The following PPP1R36 variants were observed in gnomAD, a reference collection of about 807,000 sequenced individuals.
The protein encoded by PPP1R36 is protein phosphatase 1 regulatory subunit 36, also known as chromosome 14 open reading frame 50.
In PPP1R36, 47 loss-of-function variants were observed where a neutral mutation model predicts 53.4. That is an observed-to-expected ratio of 0.88 (90% CI 0.70 to 1.12). PPP1R36 has a LOEUF of 1.12. Ranked by LOEUF, PPP1R36 falls within the 50% of genes most tolerant of loss-of-function variation. The probability of loss-of-function intolerance (pLI) is 0.00; values close to 1 mark genes in which losing one functional copy is unlikely to be tolerated. For missense variants in PPP1R36, 456 were observed against 513.9 expected (o/e 0.89, Z 1.09); for synonymous variants, 153 against 170.5 (o/e 0.90, Z 0.80).
intron 7 of PPP1R36, among the ~76,000 whole-genome samples, chr14:64,570,979 G>A (rs1299032897): frequency 6.6e-6 from 1 of 152,202 alleles, no homozygotes; most frequent in Non-Finnish European, 1.5e-5. Context: ...ACCCAGGTCT[G>A]TTTAACTCCA....
chr14:64,578,485 C>G (rs1463241664), intron 8 of PPP1R36, among the ~76,000 whole-genome samples: 1 of 152,122 alleles, frequency 6.6e-6, no homozygotes, highest in Non-Finnish European at 1.5e-5. Context: ...AGACTTGTTT[C>G]AGTGTGTACT....
intron 3 of PPP1R36, among the ~76,000 whole-genome samples, chr14:64,561,518 T>G (rs1384571045): frequency 1.3e-5 from 2 of 152,202 alleles, no homozygotes; most frequent in Non-Finnish European, 2.9e-5. Context: ...GAGACCTGGG[T>G]TCACATCCTA....
At chr14:64,587,442 T>G in intron 10 of PPP1R36, 70 bp downstream of exon 10, 1 of 718,078 alleles carries the variant, frequency 1.4e-6, no homozygotes. Context: ...TCTTTTCTTT[T>G]TTCTCCTTTT....
At chr14:64,574,618 C>T in intron 8 of PPP1R36, 29 bp downstream of exon 8, 1 of 1,592,082 alleles carries the variant, frequency 6.3e-7, no homozygotes, top group Non-Finnish European at 8.5e-7. Flanking sequence ...TTCATTAGAT[C>T]ATCACTCCAT....
intron 3 of PPP1R36, 113 bp downstream of exon 3, chr14:64,552,974 AAT>A: frequency 1.0e-6 from 1 of 977,822 alleles, no homozygotes; most frequent in African/African-American, 1.7e-5. Context: ...ATTAAGTGCC[AAT>A]TTTTTTTTTT....
At chr14:64,560,999 A>G (rs2140224306) in intron 3 of PPP1R36, among the ~76,000 whole-genome samples, 1 of 152,304 alleles carries the variant, frequency 6.6e-6, no homozygotes, top group East Asian at 1.9e-4. Context: ...TCAGAAAAGG[A>G]GCTTTAGAAG....
intron 3 of PPP1R36, among the ~76,000 whole-genome samples, chr14:64,558,568 G>T (rs2080177156): frequency 6.6e-6 from 1 of 151,842 alleles, no homozygotes; most frequent in Non-Finnish European, 1.5e-5. Context: ...AACAGAGTGA[G>T]ACCCTGCCTC....
chr14:64,563,831 C>A (rs567387797), intron 3 of PPP1R36, among the ~76,000 whole-genome samples: 2 of 152,246 alleles, frequency 1.3e-5, no homozygotes, highest in African/African-American at 4.8e-5. Context: ...ATTGTTATAA[C>A]CCACAATGGG....
At chr14:64,554,382 C>T (rs1484285680) in intron 3 of PPP1R36, among the ~76,000 whole-genome samples, 1 of 152,026 alleles carries the variant, frequency 6.6e-6, no homozygotes, top group Non-Finnish European at 1.5e-5. Flanking sequence ...ATCTCCCGAC[C>T]TCAGGTGATC....
chr14:64,552,620 A>G (rs1289810724), intron 2 of PPP1R36, 194 bp from the exon 3 acceptor site: 3 of 532,236 alleles, frequency 5.6e-6, no homozygotes, highest in Middle Eastern at 5.2e-4. Flanking sequence ...CTAAGCAGAC[A>G]TACATAGTTA....
At chr14:64,561,885 T>C in intron 3 of PPP1R36, 1 of 454,240 alleles carries the variant, frequency 2.2e-6, no homozygotes, top group Non-Finnish European at 4.4e-6. Context: ...GAAACCCTAC[T>C]CTTTCGTCAT....
Position 64,552,820 on chromosome 14 carries a change from C to T in PPP1R36, c.141C>T (p.Ala47=), listed in dbSNP as rs200928749. 166 of 1,613,598 alleles carry T rather than the reference C, an allele frequency of 1.0e-4. 1 individual carries two copies. The highest frequency in any genetic ancestry group is 9.4e-4 in the East Asian group (42 of 44,870). The change falls in exon 3 of 12, where the codon GCC becomes GCT. Residue 47 remains alanine, a synonymous_variant. Coordinates refer to ENST00000298705, the MANE Select transcript of PPP1R36 (RefSeq NM_172365.3). ...TTTCAGTTTTCTTTCTCAGGTTTGC[C>T]GCAGAAGATTCTGTCCAGTGGCTCC... is the stretch of plus-strand genomic sequence containing the variant. The part of the protein sequence containing the change: ...ETRTLEFRRF[A]AEDSVQWLLK...
intron 6 of PPP1R36, among the ~76,000 whole-genome samples, chr14:64,565,925 T>G (rs913493663): frequency 6.6e-6 from 1 of 152,178 alleles, no homozygotes; most frequent in Non-Finnish European, 1.5e-5. Flanking sequence ...GAGAGCATGC[T>G]GTCAGAGTCT....
In PPP1R36 at chr14:64,565,654, T is replaced by C; in HGVS notation, c.396T>C (p.Thr132=). Residue 132 remains threonine, a synonymous_variant, in exon 6 of 12, where the codon ACT becomes ACC. Transcript: ENST00000298705. Reference sequence around the variant, plus strand: ...TTACTTTGCTTTTGCTACAAGATACTGAGATGCAGCGGATCTGTTCTTTTA... The same window carrying C: ...TTACTTTGCTTTTGCTACAAGATACCGAGATGCAGCGGATCTGTTCTTTTA... ...KFVTLLLLQD[T]EMQRICSFTT... is the part of the protein sequence containing the mutation. The C allele has an allele frequency of 6.2e-7, 1 of 1,613,874 alleles. No homozygotes were observed. The highest frequency in any genetic ancestry group is 8.5e-7 in the Non-Finnish European group (1 of 1,179,726).
chr14:64,580,692 G>A (rs1183433080), intron 8 of PPP1R36, among the ~76,000 whole-genome samples: 1 of 152,254 alleles, frequency 6.6e-6, no homozygotes, highest in Middle Eastern at 3.4e-3. Context: ...CAGGTCAAAC[G>A]CTGAACAAAG....
At chr14:64,583,677 G>A (rs1447040480) in intron 8 of PPP1R36, among the ~76,000 whole-genome samples, 8 of 151,730 alleles carry the variant, frequency 5.3e-5, no homozygotes, top group Admixed American at 5.3e-4. Context: ...AGCCAGGCGT[G>A]GTTGCGCATG....
chr14:64,567,733 C>T (rs1210023998), intron 6 of PPP1R36, among the ~76,000 whole-genome samples: 1 of 152,142 alleles, frequency 6.6e-6, no homozygotes, highest in Non-Finnish European at 1.5e-5. Context: ...ACAATCTCAG[C>T]TCATTGCAAC....
chr14:64,570,562 G>A (rs1447691127), intron 7 of PPP1R36, among the ~76,000 whole-genome samples: 1 of 152,194 alleles, frequency 6.6e-6, no homozygotes, highest in Non-Finnish European at 1.5e-5. Flanking sequence ...CCTGTGGTCA[G>A]TTGGTTTACT....
At position 64,589,320 on chromosome 14, in the gene PPP1R36, T is replaced by C. The variant is rs2080465866; in HGVS notation, c.1251T>C (p.His417=). Residue 417 remains histidine (H), a synonymous_variant, in exon 12 of 12, where the codon CAT becomes CAC. Transcript: ENST00000298705. The part of the protein sequence containing the change: ...LDLVMKTLSS[H]TSCPK ...TGGTCATGAAAACACTGTCCTCTCA[T>C]ACATCATGCCCTAAGTAACCTGGTA... is the stretch of plus-strand genomic sequence containing the variant. The C allele has an allele frequency of 6.2e-7, 1 of 1,612,758 alleles. No individual in the cohort carries two copies. Among genetic ancestry groups the C allele is most frequent in the Non-Finnish European group, 8.5e-7 (1 of 1,179,074 alleles).
Sources: gnomAD v4.1 joint callset for allele counts (sites outside exome capture counted in the v4.1 genomes callset) on GRCh38, gnomAD v4.1.1 for gene constraint, MANE v1.5 for transcripts, NCBI Gene and HGNC (gene_info 2026-07-23, HGNC 2026-07-21) for gene names.